Variants in GPN1 observed in about 807,000 individuals in gnomAD.
The protein encoded by GPN1 is ATP(GTP)-binding protein.
In GPN1, 44 loss-of-function variants were observed where a neutral mutation model predicts 55.9. The observed-to-expected ratio is 0.79, with a 90% confidence interval of 0.62 to 1.01. GPN1 has a LOEUF of 1.01. GPN1 is among the 50% of genes least tolerant of loss of function. The pLI is 0.00. For synonymous variants in GPN1, 179 were observed against 162.5 expected (o/e 1.10, Z -0.77); for missense variants, 466 against 462.8 (o/e 1.01, Z -0.06).
At position 27,635,383 on chromosome 2, in the gene GPN1, C is replaced by T. The variant is rs545291861; in HGVS notation, c.524+149C>T. On this transcript the variant is annotated intron_variant, in intron 7 of 13. Coordinates refer to ENST00000610189, the MANE Select transcript of GPN1 (RefSeq NM_007266.4). ...TGCTGTTCAGTTGAGTGGCTGTGAG[C>T]TGGGGAAGGTCAGAGGAGAAAAGAG... The T allele has an allele frequency of 1.0e-5, 6 of 594,044 alleles. No individual in the cohort carries two copies. The East Asian group carries it at 1.4e-4, about 14-fold the overall frequency. 36.8% of individuals were successfully genotyped at this position (594,044 alleles called of 1,614,324 possible).
Position 27,629,916 on chromosome 2 carries a change from C to T in GPN1, c.169C>T (p.Pro57Ser). The change falls in exon 2 of 14, where the codon CCA becomes TCA. Residue 57 changes from proline (P) to serine (S), a missense_variant. Pro to Ser is a moderately conservative substitution (Grantham distance 74). Transcript: ENST00000610189. ...TCCACCGTATGTGATCAACCTGGAT[C>T]CAGCAGTACATGAAGTTCCCTTTCC... is the stretch of plus-strand genomic sequence containing the variant. ...GTPPYVINLD[P>S]AVHEVPFPAN... 6.2e-7 allele frequency: 1 copy of T among 1,608,280 alleles called. No homozygotes were observed. Among genetic ancestry groups the T allele is most frequent in the Non-Finnish European group, 8.5e-7 (1 of 1,174,596 alleles).
intron 10 of GPN1, among the ~76,000 whole-genome samples, chr2:27,641,035 C>G (rs965254189): frequency 7.9e-5 from 12 of 152,092 alleles, no homozygotes; most frequent in Non-Finnish European, 1.6e-4. Flanking sequence ...GATTGTGTCT[C>G]CTGGTTCCAA....
intron 12 of GPN1, among the ~76,000 whole-genome samples, chr2:27,647,433 TC>T (rs1424791745): frequency 6.6e-6 from 1 of 152,206 alleles, no homozygotes; most frequent in East Asian, 1.9e-4. Context: ...AACTTACATT[TC>T]CACCAGGAGG....
At chr2:27,649,033 C>T (rs1444611559) in intron 13 of GPN1, among the ~76,000 whole-genome samples, 3 of 151,680 alleles carry the variant, frequency 2.0e-5, no homozygotes, top group African/African-American at 4.8e-5. Context: ...CACCTGAGGC[C>T]AGGAGTTCAA....
chr2:27,647,053 A>G (rs1033816629), intron 12 of GPN1, among the ~76,000 whole-genome samples: 3 of 148,052 alleles, frequency 2.0e-5, no homozygotes, highest in African/African-American at 8.0e-5. Flanking sequence ...GTATAGTTGC[A>G]TAATTGTTAG....
At chr2:27,628,703 T>G (rs1475653778), upstream of GPN1, 4 of 1,551,640 alleles carry the variant, frequency 2.6e-6, no homozygotes, top group South Asian at 2.4e-5. Context: ...CTCTGTGGGC[T>G]CAAAATGACA....
At chr2:27,640,022 A>G (rs1197380751) in intron 9 of GPN1, 21 bp from the exon 10 acceptor site, 1 of 1,503,102 alleles carries the variant, frequency 6.7e-7, no homozygotes, top group African/African-American at 1.4e-5. Context: ...CTTTAGTGGC[A>G]TTTATGATGC....
chr2:27,646,832 T>C (rs111978513), intron 12 of GPN1, among the ~76,000 whole-genome samples: 267 of 152,306 alleles, frequency 1.8e-3, no homozygotes, highest in African/African-American at 6.2e-3. Flanking sequence ...GCAAAGCTAG[T>C]AACGGACTGG....
At chr2:27,648,455 G>A (rs1674352760) in intron 13 of GPN1, among the ~76,000 whole-genome samples, 1 of 152,138 alleles carries the variant, frequency 6.6e-6, no homozygotes, top group Admixed American at 6.5e-5. Context: ...GAAGTTTGAG[G>A]CTATTATGAG....
At chr2:27,639,068 C>T in intron 9 of GPN1, 37 bp downstream of exon 9, 4 of 1,532,482 alleles carry the variant, frequency 2.6e-6, no homozygotes, top group Non-Finnish European at 3.6e-6. Context: ...ACAGCCTCTC[C>T]AGATAATCTG....
chr2:27,648,087 G>A (rs1204313039), intron 13 of GPN1, 144 bp downstream of exon 13: 3 of 621,354 alleles, frequency 4.8e-6, no homozygotes, highest in East Asian at 5.6e-5. Context: ...TATATTGAGA[G>A]TTCCTGTCCT....
chr2:27,642,952 TATATATACAC>T (rs900612292), intron 12 of GPN1, among the ~76,000 whole-genome samples: 2 of 37,986 alleles, frequency 5.3e-5, no homozygotes, highest in Admixed American at 4.4e-4. Flanking sequence ...TTTATATATA[TATATATACAC>T]ACACACACAC....
chr2:27,638,836 T>A, intron 8 of GPN1, 49 bp from the exon 9 acceptor site: 4 of 1,498,704 alleles, frequency 2.7e-6, no homozygotes, highest in Non-Finnish European at 2.7e-6. Context: ...AGAATAAATT[T>A]TGCGTTTGTT....
At chr2:27,636,748 T>C (rs1226855923) in intron 7 of GPN1, among the ~76,000 whole-genome samples, 1 of 152,208 alleles carries the variant, frequency 6.6e-6, no homozygotes, top group Admixed American at 6.5e-5. Flanking sequence ...GTGCTGGGAA[T>C]ACAGGCATGA....
intron 13 of GPN1, among the ~76,000 whole-genome samples, chr2:27,648,428 T>G (rs1674350154): frequency 6.6e-6 from 1 of 151,966 alleles, no homozygotes; most frequent in Non-Finnish European, 1.5e-5. Flanking sequence ...CTGAGGTGGG[T>G]GGGTTGCTTG....
At chr2:27,633,122 A>T (rs919782043) in intron 5 of GPN1, among the ~76,000 whole-genome samples, 3 of 152,176 alleles carry the variant, frequency 2.0e-5, no homozygotes, top group African/African-American at 7.2e-5. Context: ...TACTTTTTTT[A>T]AAAAAGATAA....
At chr2:27,632,549 C>T (rs749952303) in intron 4 of GPN1, 84 bp from the exon 5 acceptor site, 1 of 876,482 alleles carries the variant, frequency 1.1e-6, no homozygotes, top group Non-Finnish European at 2.0e-6. Flanking sequence ...GTGATAGTGC[C>T]TGTGAGGTAT....
chr2:27,638,827 G>A, intron 8 of GPN1, 58 bp from the exon 9 acceptor site: 1 of 1,439,136 alleles, frequency 6.9e-7, no homozygotes, highest in Non-Finnish European at 9.5e-7. Context: ...TTAATTAAAA[G>A]AATAAATTTT....
At chr2:27,628,594 C>A (rs1210078755), upstream of GPN1, 1 of 1,551,548 alleles carries the variant, frequency 6.4e-7, no homozygotes, top group Non-Finnish European at 8.7e-7. Context: ...GAGACTGCAC[C>A]CTGCTCCAGT....
Sources: allele counts gnomAD v4.1 joint callset (sites outside exome capture counted in the v4.1 genomes callset), GRCh38; gene constraint gnomAD v4.1.1; transcripts MANE v1.5; gene names NCBI Gene and HGNC (gene_info 2026-07-23, HGNC 2026-07-21).